The following FKBP5 variants were observed in gnomAD, a reference collection of about 807,000 sequenced individuals.
The protein encoded by FKBP5 is FKBP prolyl isomerase 5.
A neutral mutation model predicts 50.5 loss-of-function variants in FKBP5; 23 were observed. The ratio of observed to expected loss-of-function variants is 0.46; its 90% CI spans 0.33 to 0.65. The LOEUF is 0.65. FKBP5 is among the 30% of genes least tolerant of loss of function. The pLI, the probability that FKBP5 is intolerant of heterozygous loss-of-function variation, is 0.02. For synonymous variants in FKBP5, 176 were observed against 190.6 expected (o/e 0.92, Z 0.63); for missense variants, 411 against 553.1 (o/e 0.74, Z 2.58).
chr6:35,599,001 A>AATAAATAAATAAATAAAT (rs1428372684), intron 5 of FKBP5, among the ~76,000 whole-genome samples: 20 of 151,964 alleles, frequency 1.3e-4, no homozygotes, highest in African/African-American at 4.6e-4. Context: ...TAAATAAATA[A>AATAAATAAATAAATAAAT]AAATAAAAAA....
chr6:35,583,711 C>A (rs1762513779), intron 8 of FKBP5: 3 of 941,448 alleles, frequency 3.2e-6, no homozygotes, highest in Non-Finnish European at 3.8e-6. Context: ...GACAGCCCCA[C>A]ACAATCAAGA....
upstream of FKBP5, among the ~76,000 whole-genome samples, chr6:35,691,040 AAAAT>A (rs1469831530): frequency 6.6e-6 from 1 of 152,072 alleles, no homozygotes; most frequent in African/African-American, 2.4e-5. Context: ...AAAATAAAAT[AAAAT>A]AAAAATAACA....
chr6:35,584,436 C>A (rs1762538712), intron 8 of FKBP5: 1 of 985,316 alleles, frequency 1.0e-6, no homozygotes, highest in African/African-American at 1.7e-5. Flanking sequence ...TTAGTTCAGC[C>A]CATCTCTGCT....
intron 5 of FKBP5, among the ~76,000 whole-genome samples, chr6:35,605,043 A>G (rs902046590): frequency 1.2e-4 from 19 of 152,100 alleles, no homozygotes; most frequent in African/African-American, 4.1e-4. Context: ...TCGGCCTCCC[A>G]AAGTGCTGGG....
At chr6:35,707,886 G>T (rs1409993894) in intron 2 of FKBP5, among the ~76,000 whole-genome samples, 2 of 152,174 alleles carry the variant, frequency 1.3e-5, no homozygotes, top group Non-Finnish European at 2.9e-5. Context: ...ATGATCTCCT[G>T]ACTTCTGACC....
At chr6:35,593,704 A>G (rs548072277) in intron 6 of FKBP5, among the ~76,000 whole-genome samples, 2 of 152,130 alleles carry the variant, frequency 1.3e-5, no homozygotes, top group South Asian at 2.1e-4. Context: ...ACAGGCATGC[A>G]CCACCACGCC....
At chr6:35,611,361 A>C (rs1234934356) in intron 5 of FKBP5, among the ~76,000 whole-genome samples, 1 of 152,148 alleles carries the variant, frequency 6.6e-6, no homozygotes, top group African/African-American at 2.4e-5. Flanking sequence ...TTCACATTTA[A>C]AAATACTGCT....
At chr6:35,672,118 T>C (rs1765404257) in intron 1 of FKBP5, among the ~76,000 whole-genome samples, 1 of 152,144 alleles carries the variant, frequency 6.6e-6, no homozygotes. Flanking sequence ...TCCGCCCACC[T>C]CGGCCTCCCA....
intron 2 of FKBP5, among the ~76,000 whole-genome samples, chr6:35,704,667 G>C (rs892738434): frequency 6.6e-6 from 1 of 151,396 alleles, no homozygotes; most frequent in Non-Finnish European, 1.5e-5. Flanking sequence ...TGTAGACTGA[G>C]GTACAAAAAT....
intron 2 of FKBP5, among the ~76,000 whole-genome samples, chr6:35,705,252 ATATATATTTTTTTT>A (rs1469220582): frequency 2.2e-4 from 1 of 4,618 alleles, no homozygotes; most frequent in Non-Finnish European, 2.7e-4. Flanking sequence ...ATATATATAT[ATATATATTTTTTTT>A]TTTTTTTTTT....
At chr6:35,631,445 G>A (rs1012371658) in intron 3 of FKBP5, among the ~76,000 whole-genome samples, 2 of 152,050 alleles carry the variant, frequency 1.3e-5, no homozygotes, top group Admixed American at 6.6e-5. Flanking sequence ...GACTGCAAAA[G>A]GACATAAAAA....
At chr6:35,712,018 T>C (rs1413582887) in intron 2 of FKBP5, among the ~76,000 whole-genome samples, 2 of 145,798 alleles carry the variant, frequency 1.4e-5, no homozygotes, top group African/African-American at 5.2e-5. Context: ...GGACTACAGG[T>C]GTGTACAATC....
chr6:35,701,233 GTTTTTTGT>G (rs1475077466), intron 2 of FKBP5, among the ~76,000 whole-genome samples: 1 of 147,540 alleles, frequency 6.8e-6, no homozygotes, highest in Non-Finnish European at 1.5e-5. Flanking sequence ...GTTTGTTTTT[GTTTTTTGT>G]TTTTTTGTTT....
At chr6:35,707,258 C>T (rs9470084) in intron 2 of FKBP5, among the ~76,000 whole-genome samples, 71,194 of 141,592 alleles carry the variant, frequency 0.5, 17,957 homozygotes, top group East Asian at 0.64. Flanking sequence ...CTCTTATTGC[C>T]CAGGCTGGAG....
intron 1 of FKBP5, among the ~76,000 whole-genome samples, chr6:35,651,358 G>A (rs1048132663): frequency 1.3e-5 from 2 of 152,052 alleles, no homozygotes; most frequent in African/African-American, 4.8e-5. Context: ...CACTCATCAG[G>A]ACTTTTTATT....
chr6:35,614,779 G>A (rs1305984293), intron 5 of FKBP5, among the ~76,000 whole-genome samples: 2 of 152,058 alleles, frequency 1.3e-5, no homozygotes, highest in Non-Finnish European at 2.9e-5. Context: ...TTGTGGTGTT[G>A]GATTGGAACT....
At chr6:35,607,721 C>T (rs1446685888) in intron 5 of FKBP5, 1 of 171,798 alleles carries the variant, frequency 5.8e-6, no homozygotes, top group Non-Finnish European at 1.3e-5. Context: ...CTGCTGCAGG[C>T]ACCTGACCAA....
intron 1 of FKBP5, among the ~76,000 whole-genome samples, chr6:35,652,276 T>C (rs1764823698): frequency 6.6e-6 from 1 of 151,990 alleles, no homozygotes; most frequent in Non-Finnish European, 1.5e-5. Flanking sequence ...CAATATGAAA[T>C]GTGGGCACCC....
In FKBP5 at chr6:35,585,510, T is replaced by C. The variant is rs1368963581; in HGVS notation, c.840+1524A>G. 8.1e-6 allele frequency: 8 copies of C among 985,232 alleles called. No individual in the cohort carries two copies. The Admixed American group carries it at 4.9e-4, about 61-fold the overall frequency. 61.0% of individuals were successfully genotyped at this position (985,232 alleles called of 1,614,324 possible). On this transcript the variant is annotated intron_variant, in intron 8 of 10. Coordinates refer to ENST00000357266, the MANE Select transcript of FKBP5 (RefSeq NM_004117.4). Reference sequence around the variant, plus strand: ...TTTTCACTTGAAAATATAACCTCTTTGGACCTTAAATGACTAAATCATTTG... The same window carrying C: ...TTTTCACTTGAAAATATAACCTCTTCGGACCTTAAATGACTAAATCATTTG...
Sources: allele counts gnomAD v4.1 joint callset (sites outside exome capture counted in the v4.1 genomes callset), GRCh38; gene constraint gnomAD v4.1.1; transcripts MANE v1.5; gene names NCBI Gene and HGNC (gene_info 2026-07-23, HGNC 2026-07-21).